Variants in ABCB1 observed in about 807,000 individuals in gnomAD.
The protein encoded by ABCB1 is ATP-dependent translocase ABCB1.
Under a neutral mutation model 142.0 loss-of-function variants are expected in ABCB1, and 69 were observed. The observed-to-expected ratio is 0.49, with a 90% CI of 0.40 to 0.59. The LOEUF (loss-of-function observed/expected upper bound fraction) is 0.59, where lower values mean the gene tolerates loss of function less well. Among genes scored for constraint, ABCB1 ranks in the 20% least tolerant of loss-of-function variants. The probability of loss-of-function intolerance (pLI) is 0.00; values close to 1 mark genes in which losing one functional copy is unlikely to be tolerated. For missense variants in ABCB1, 1,326 were observed against 1,554.7 expected (o/e 0.85, Z 2.47); for synonymous variants, 532 against 539.2 (o/e 0.99, Z 0.18).
chr7:87,582,738 A>T (rs1017087989), intron 4 of ABCB1, among the ~76,000 whole-genome samples: 3 of 152,254 alleles, frequency 2.0e-5, no homozygotes, highest in African/African-American at 7.2e-5. Flanking sequence ...GCTACATTTC[A>T]TTAAACTTTA....
intron 2 of ABCB1, among the ~76,000 whole-genome samples, chr7:87,599,287 ATTTAC>A (rs1380201784): frequency 6.6e-6 from 1 of 152,198 alleles, no homozygotes; most frequent in Non-Finnish European, 1.5e-5. Context: ...CATGATCAAA[ATTTAC>A]TTTAAATAAT....
chr7:87,680,570 A>G (rs1826826745), intron 1 of ABCB1, among the ~76,000 whole-genome samples: 1 of 150,680 alleles, frequency 6.6e-6, no homozygotes, highest in Non-Finnish European at 1.5e-5. Flanking sequence ...AGGCGAGTGG[A>G]TCACCTTAGG....
At chr7:87,504,530 C>T (rs529215506) in intron 27 of ABCB1, 81 bp from the exon 28 acceptor site, 99 of 1,560,518 alleles carry the variant, frequency 6.3e-5, no homozygotes, top group African/African-American at 1.2e-4. Context: ...CACAGTAGGA[C>T]GGGCATGGTG....
chr7:87,617,825 GAT>G, intron 1 of ABCB1, among the ~76,000 whole-genome samples: 1 of 152,132 alleles, frequency 6.6e-6, no homozygotes, highest in Non-Finnish European at 1.5e-5. Context: ...TTAGGATAAA[GAT>G]GAAAATGTTT....
At chr7:87,632,379 G>T (rs1821310564) in intron 1 of ABCB1, among the ~76,000 whole-genome samples, 1 of 152,152 alleles carries the variant, frequency 6.6e-6, no homozygotes, top group Non-Finnish European at 1.5e-5. Flanking sequence ...TTGTATATGT[G>T]TATGTAATTC....
intron 1 of ABCB1, among the ~76,000 whole-genome samples, chr7:87,651,853 A>G (rs1823604624): frequency 6.6e-6 from 1 of 152,156 alleles, no homozygotes; most frequent in South Asian, 2.1e-4. Context: ...GAGAAAAAAT[A>G]TGAATTCATT....
At chr7:87,574,662 G>T (rs1254003254) in intron 4 of ABCB1, among the ~76,000 whole-genome samples, 1 of 151,894 alleles carries the variant, frequency 6.6e-6, no homozygotes, top group Admixed American at 6.6e-5. Flanking sequence ...TCTCTAACTG[G>T]AATGCCCTTT....
At chr7:87,679,697 C>T (rs1298370786) in intron 1 of ABCB1, among the ~76,000 whole-genome samples, 2 of 150,330 alleles carry the variant, frequency 1.3e-5, no homozygotes, top group African/African-American at 2.5e-5. Context: ...GCCACCCCAA[C>T]ATTTATAATT....
intron 26 of ABCB1, among the ~76,000 whole-genome samples, chr7:87,506,758 G>A (rs1814769701): frequency 6.6e-6 from 1 of 152,186 alleles, no homozygotes; most frequent in East Asian, 1.9e-4. Context: ...TTGTAACCTA[G>A]AAAACAATAC....
chr7:87,666,187 G>C (rs541565319), intron 1 of ABCB1, among the ~76,000 whole-genome samples: 2 of 152,132 alleles, frequency 1.3e-5, no homozygotes, highest in South Asian at 4.1e-4. Context: ...CATTCTGACT[G>C]GTGTGAGATG....
At chr7:87,642,974 C>T (rs1304280951) in intron 1 of ABCB1, among the ~76,000 whole-genome samples, 10 of 151,900 alleles carry the variant, frequency 6.6e-5, no homozygotes, top group African/African-American at 1.5e-4. Flanking sequence ...GGAGTGTAGA[C>T]GCATGACCAT....
At chr7:87,602,422 AC>A (rs1162922616), upstream of ABCB1, among the ~76,000 whole-genome samples, 1 of 150,982 alleles carries the variant, frequency 6.6e-6, no homozygotes, top group East Asian at 1.9e-4. Flanking sequence ...CTTAACAACA[AC>A]CCTGTGGTCC....
chr7:87,581,054 G>A (rs1022092819), intron 4 of ABCB1, among the ~76,000 whole-genome samples: 1 of 151,778 alleles, frequency 6.6e-6, no homozygotes, highest in Non-Finnish European at 1.5e-5. Context: ...GGGGGAGGGG[G>A]GGATGATTTC....
chr7:87,578,869 A>G (rs1818385947), intron 4 of ABCB1, among the ~76,000 whole-genome samples: 1 of 150,782 alleles, frequency 6.6e-6, no homozygotes, highest in Non-Finnish European at 1.5e-5. Flanking sequence ...AATTTTTTGT[A>G]TTTTTAGTAG....
chr7:87,710,139 T>G (rs1314669821), intron 1 of ABCB1, among the ~76,000 whole-genome samples: 1 of 152,204 alleles, frequency 6.6e-6, no homozygotes, highest in Admixed American at 6.5e-5. Context: ...TTGAAAATTT[T>G]CTTAAATAAG....
chr7:87,604,549 T>G (rs1432975934), upstream of ABCB1, among the ~76,000 whole-genome samples: 3 of 152,040 alleles, frequency 2.0e-5, no homozygotes, highest in African/African-American at 7.3e-5. Flanking sequence ...ATGACTGTAC[T>G]TGATAGGGGA....
intron 1 of ABCB1, among the ~76,000 whole-genome samples, chr7:87,654,478 G>A (rs185924396): frequency 6.6e-6 from 1 of 152,146 alleles, no homozygotes; most frequent in African/African-American, 2.4e-5. Flanking sequence ...CACACACTAG[G>A]GAAAGGACAG....
In ABCB1 at chr7:87,517,617, G is replaced by A. The variant is rs1370474954; in HGVS notation, c.2928-952C>T. ...AGGTTTAGTGGCTGGTTGTTACACAGCATTATTGTGGTAATCAACAACGGA... is the reference window on the plus strand; with the variant it reads ...AGGTTTAGTGGCTGGTTGTTACACAACATTATTGTGGTAATCAACAACGGA... On this transcript the variant is annotated intron_variant, in intron 23 of 27. Transcript: ENST00000622132. Among the ~76,000 whole-genome samples the A allele has an allele frequency of 3.9e-5, 6 of 152,286 alleles. 1 individual carries two copies. Among genetic ancestry groups the A allele is most frequent in the African/African-American group, 1.4e-4 (6 of 41,562 alleles).
chr7:87,509,492 G>A lies in ABCB1; in HGVS notation c.3283-11C>T. The A allele has an allele frequency of 6.2e-7, 1 of 1,613,622 alleles. No individual in the cohort carries two copies. Among genetic ancestry groups the A allele is most frequent in the East Asian group, 2.2e-5 (1 of 44,870 alleles). ...TTTGCCATCAAGCAGCTGAAAACAAGAGTTCACAGATCAACTTCAGGACCA... is the reference window on the plus strand; with the variant it reads ...TTTGCCATCAAGCAGCTGAAAACAAAAGTTCACAGATCAACTTCAGGACCA... On this transcript the variant is annotated splice_polypyrimidine_tract_variant and intron_variant, in intron 25 of 27. Coordinates refer to ENST00000622132, the MANE Select transcript of ABCB1 (RefSeq NM_001348946.2).
Sources: allele counts gnomAD v4.1 joint callset (sites outside exome capture counted in the v4.1 genomes callset), GRCh38; gene constraint gnomAD v4.1.1; transcripts MANE v1.5; gene names NCBI Gene and HGNC (gene_info 2026-07-23, HGNC 2026-07-21).